The following PCDH11X variants were observed in gnomAD, a reference collection of about 807,000 sequenced individuals.
The protein encoded by PCDH11X is protocadherin 11 X-linked.
PCDH11X carries 18 observed loss-of-function variants against 53.3 expected under a neutral mutation model. That is an observed-to-expected ratio of 0.34 (90% CI 0.23 to 0.50). PCDH11X has a LOEUF of 0.50. Among genes scored for constraint, PCDH11X ranks in the 20% least tolerant of loss-of-function variants. The probability of loss-of-function intolerance (pLI) is 0.98; values close to 1 mark genes in which losing one functional copy is unlikely to be tolerated. For missense variants in PCDH11X, 570 were observed against 1,032.4 expected, an observed-to-expected ratio of 0.55 and a Z score of 6.14; for synonymous variants, 279 against 393.3, an observed-to-expected ratio of 0.71 and a Z score of 3.44.
At chrX:92,550,094 C>T (rs1290745229) in intron 10 of PCDH11X, among the ~76,000 whole-genome samples, 1 of 110,701 alleles carries the variant, frequency 9.0e-6, no homozygotes, top group Non-Finnish European at 1.9e-5. Context: ...CTCCCTCTCT[C>T]CTCTTCTCCC....
At chrX:92,144,047 CT>C (rs1175114584) in intron 6 of PCDH11X, among the ~76,000 whole-genome samples, 1 of 111,791 alleles carries the variant, frequency 8.9e-6, no homozygotes, top group Non-Finnish European at 1.9e-5. Context: ...CTGTAGCCCC[CT>C]TTTTTTAGAT....
intron 10 of PCDH11X, among the ~76,000 whole-genome samples, chrX:92,475,186 A>G (rs1369765691): frequency 9.8e-6 from 1 of 102,504 alleles, no homozygotes; most frequent in Non-Finnish European, 2.0e-5. Context: ...AAAAAAAAAA[A>G]AAAAAAAGAA....
At chrX:92,089,803 A>G (rs2064019122) in intron 6 of PCDH11X, among the ~76,000 whole-genome samples, 1 of 109,473 alleles carries the variant, frequency 9.1e-6, no homozygotes, top group Admixed American at 1.0e-4. Context: ...GATTACAGGC[A>G]TGAGCCATCG....
chrX:92,513,969 A>C (rs1249596426), intron 10 of PCDH11X, among the ~76,000 whole-genome samples: 2 of 110,932 alleles, frequency 1.8e-5, no homozygotes, highest in Non-Finnish European at 3.8e-5. Flanking sequence ...TATAAATGGA[A>C]TTGTACAGTA....
In PCDH11X at chrX:92,621,249, G is replaced by T. The variant is rs1387048687; in HGVS notation, c.*2309G>T. 1 of 105,158 alleles carries T rather than the reference G, an allele frequency of 9.5e-6. No individual in the cohort carries two copies. The highest frequency in any genetic ancestry group is 3.6e-5 in the African/African-American group (1 of 27,907). The allele number at this position is 105,158 out of a possible 1,213,427, so 8.7% of individuals were successfully genotyped here. ...CTCAATGGTTACTATCTATGTTAGTGAAAATCAAATAGGACTCAAAGTTGG... is the reference window on the plus strand; with the variant it reads ...CTCAATGGTTACTATCTATGTTAGTTAAAATCAAATAGGACTCAAAGTTGG... On this transcript the variant is annotated 3_prime_UTR_variant, in exon 11 of 11. Transcript: ENST00000682573.
chrX:92,126,814 T>C (rs2064874689), intron 6 of PCDH11X, among the ~76,000 whole-genome samples: 1 of 103,319 alleles, frequency 9.7e-6, no homozygotes, highest in Admixed American at 1.1e-4. Context: ...ATTGATGTTC[T>C]CAGAGGAATA....
chrX:92,176,624 A>G (rs747597435), intron 6 of PCDH11X, among the ~76,000 whole-genome samples: 1 of 112,287 alleles, frequency 8.9e-6, no homozygotes, highest in African/African-American at 3.2e-5. Context: ...CCTCCTTCAT[A>G]CAAGGATATA....
At chrX:92,088,724 C>G (rs1254632800) in intron 6 of PCDH11X, among the ~76,000 whole-genome samples, 5 of 111,631 alleles carry the variant, frequency 4.5e-5, no homozygotes, top group Non-Finnish European at 9.4e-5. Flanking sequence ...CCCCAATAAC[C>G]TTTTAGGTCA....
At chrX:92,019,082 A>G (rs2062842878) in intron 6 of PCDH11X, among the ~76,000 whole-genome samples, 2 of 111,354 alleles carry the variant, frequency 1.8e-5, no homozygotes, top group African/African-American at 6.5e-5. Context: ...GTGGTAAGAC[A>G]CTGAGAGTGG....
At chrX:91,869,844 G>A in intron 5 of PCDH11X, among the ~76,000 whole-genome samples, 1 of 111,845 alleles carries the variant, frequency 8.9e-6, no homozygotes, top group Non-Finnish European at 1.9e-5. Flanking sequence ...AGAATCTGAA[G>A]CGAGACAGAG....
intron 8 of PCDH11X, among the ~76,000 whole-genome samples, chrX:92,375,142 T>TATATATATATA (rs1283320229): frequency 7.7e-5 from 1 of 12,977 alleles, no homozygotes; most frequent in Non-Finnish European, 1.7e-4. Context: ...TTCCATTCAT[T>TATATATATATA]TATATATATA....
At chrX:92,120,390 C>T (rs1436302456) in intron 6 of PCDH11X, among the ~76,000 whole-genome samples, 1 of 111,730 alleles carries the variant, frequency 9.0e-6, no homozygotes, top group Non-Finnish European at 1.9e-5. Context: ...GAACTCCTGA[C>T]CTCGTGATCC....
At chrX:92,586,267 C>A (rs1419182215) in intron 10 of PCDH11X, among the ~76,000 whole-genome samples, 1 of 106,329 alleles carries the variant, frequency 9.4e-6, no homozygotes, top group African/African-American at 3.4e-5. Context: ...CAGTTTGTTT[C>A]ATTGACCGAG....
At chrX:92,367,740 C>A (rs1251872942) in intron 8 of PCDH11X, among the ~76,000 whole-genome samples, 1 of 111,630 alleles carries the variant, frequency 9.0e-6, no homozygotes, top group African/African-American at 3.3e-5. Flanking sequence ...GATTTCATTT[C>A]TCTTTCACTT....
intron 7 of PCDH11X, among the ~76,000 whole-genome samples, chrX:92,204,221 C>A (rs2066438748): frequency 8.9e-6 from 1 of 112,139 alleles, no homozygotes; most frequent in Admixed American, 9.5e-5. Flanking sequence ...TTTGGCTCCT[C>A]ATTACTTATG....
chrX:92,552,894 T>C (rs2148752448), intron 10 of PCDH11X, among the ~76,000 whole-genome samples: 1 of 109,968 alleles, frequency 9.1e-6, no homozygotes, highest in Non-Finnish European at 1.9e-5. Flanking sequence ...CACTTGGTTA[T>C]AATGAATAAT....
chrX:92,400,941 A>C (rs2093319412), intron 9 of PCDH11X, among the ~76,000 whole-genome samples: 1 of 102,612 alleles, frequency 9.7e-6, no homozygotes, highest in Admixed American at 1.1e-4. Flanking sequence ...GGCTTTTTCT[A>C]TTCCATGGTA....
intron 6 of PCDH11X, among the ~76,000 whole-genome samples, chrX:91,993,199 AAAG>A (rs1309873718): frequency 2.7e-5 from 3 of 112,845 alleles, no homozygotes; most frequent in African/African-American, 9.6e-5. Flanking sequence ...ATCTGTGTGC[AAAG>A]AAGAACATAA....
intron 10 of PCDH11X, among the ~76,000 whole-genome samples, chrX:92,582,689 G>A (rs1923857190): frequency 9.0e-6 from 1 of 110,867 alleles, no homozygotes; most frequent in African/African-American, 3.3e-5. Flanking sequence ...CCATCCTCCA[G>A]GCCCCATAAT....
Sources: gnomAD v4.1 joint callset for allele counts (sites outside exome capture counted in the v4.1 genomes callset) on GRCh38, gnomAD v4.1.1 for gene constraint, MANE v1.5 for transcripts, NCBI Gene and HGNC (gene_info 2026-07-23, HGNC 2026-07-21) for gene names.